CRYBG1: variants seen among roughly 807,000 people sequenced by gnomAD.
The protein encoded by CRYBG1 is crystallin beta-gamma domain containing 1, also known as beta/gamma crystallin domain-containing protein 1.
In CRYBG1, 139 loss-of-function variants were observed where a neutral mutation model predicts 189.2. That is an observed-to-expected ratio of 0.73 (90% confidence interval 0.64 to 0.85). The LOEUF (loss-of-function observed/expected upper bound fraction) is 0.85. Among genes scored for constraint, CRYBG1 ranks in the 40% least tolerant of loss-of-function variants. CRYBG1 has a pLI of 0.00. For missense variants in CRYBG1, 2,611 were observed against 2,675.8 expected, an observed-to-expected ratio of 0.98 and a Z score of 0.53; for synonymous variants, 1,023 against 1,017.1, an observed-to-expected ratio of 1.01 and a Z score of -0.11.
At position 106,571,958 on chromosome 6, in the gene CRYBG1, A is replaced by G; in HGVS notation, c.*3392A>G. ...AAATTTGGGCTCACAGGCACTCACC[A>G]AATAAGAACGTCAACAATCACTAAA... On this transcript the variant is annotated 3_prime_UTR_variant, in exon 22 of 22. Coordinates refer to ENST00000633556, the MANE Select transcript of CRYBG1 (RefSeq NM_001371242.2). 6.5e-7 allele frequency: 1 copy of G among 1,531,218 alleles called. No individual in the cohort carries two copies. 94.9% of individuals were successfully genotyped at this position (1,531,218 alleles called of 1,614,324 possible).
chr6:106,513,127 G>A, intron 3 of CRYBG1, 88 bp downstream of exon 3: 1 of 1,435,974 alleles, frequency 7.0e-7, no homozygotes, highest in Non-Finnish European at 9.3e-7. Flanking sequence ...CTGCATTGTG[G>A]AAGAAACGTC....
chr6:106,467,060 G>C, intron 2 of CRYBG1, among the ~76,000 whole-genome samples: 1 of 152,158 alleles, frequency 6.6e-6, no homozygotes, highest in Non-Finnish European at 1.5e-5. Context: ...GCTGTTGAGT[G>C]GGATGAAGTC....
At chr6:106,464,816 T>G (rs1261744064) in intron 2 of CRYBG1, among the ~76,000 whole-genome samples, 2 of 152,340 alleles carry the variant, frequency 1.3e-5, no homozygotes, top group African/African-American at 4.8e-5. Context: ...TTTAGAGAAT[T>G]AAGTGATATT....
intron 2 of CRYBG1, among the ~76,000 whole-genome samples, chr6:106,456,726 C>A (rs1038131402): frequency 6.6e-6 from 1 of 152,146 alleles, no homozygotes; most frequent in East Asian, 1.9e-4. Flanking sequence ...TCTCTTTATG[C>A]CTGTTCCACA....
At chr6:106,432,621 G>A (rs1300157938) in intron 1 of CRYBG1, among the ~76,000 whole-genome samples, 2 of 152,160 alleles carry the variant, frequency 1.3e-5, no homozygotes, top group Non-Finnish European at 2.9e-5. Context: ...AGTTATGCTG[G>A]TAAGTGTACC....
chr6:106,553,473 C>A lies in CRYBG1; in HGVS notation c.5491C>A (p.Pro1831Thr). The A allele has an allele frequency of 1.2e-6, 2 of 1,611,254 alleles. No individual in the cohort carries two copies. Among genetic ancestry groups the A allele is most frequent in the Non-Finnish European group, 8.5e-7 (1 of 1,177,618 alleles). Reference protein sequence around the residue: ...RRNQIHLFSEPQFQGHSQSFE... With the variant: ...RRNQIHLFSETQFQGHSQSFE... The stretch of plus-strand genomic sequence containing the variant: ...TTCAAAGATTCACTTGTTTTCAGAA[C>A]CACAGTTTCAAGGTCACAGTCAAAG... Residue 1831 changes from proline to threonine, a missense_variant, in exon 16 of 22, where the codon CCA becomes ACA. Transcript: ENST00000633556.
At chr6:106,384,768 C>G (rs1770351846) in intron 1 of CRYBG1, among the ~76,000 whole-genome samples, 1 of 151,926 alleles carries the variant, frequency 6.6e-6, no homozygotes, top group African/African-American at 2.4e-5. Flanking sequence ...TAAGGCCACC[C>G]TAATTTGTGA....
intron 1 of CRYBG1, among the ~76,000 whole-genome samples, chr6:106,403,653 C>T (rs1300254395): frequency 6.6e-6 from 1 of 152,150 alleles, no homozygotes; most frequent in Non-Finnish European, 1.5e-5. Flanking sequence ...TTTTTATGAA[C>T]AATGGGTAGC....
intron 18 of CRYBG1, 129 bp from the exon 19 acceptor site, chr6:106,560,674 A>AT (rs1301514133): frequency 3.5e-6 from 4 of 1,154,620 alleles, no homozygotes; most frequent in African/African-American, 1.6e-5. Flanking sequence ...AGAAAAGATC[A>AT]TTTTTCCCCC....
intron 1 of CRYBG1, among the ~76,000 whole-genome samples, chr6:106,397,915 T>A (rs1770644598): frequency 6.6e-6 from 1 of 152,152 alleles, no homozygotes; most frequent in African/African-American, 2.4e-5. Flanking sequence ...ACTATGGATA[T>A]TGACTATCTC....
At chr6:106,466,317 A>G (rs1301828223) in intron 2 of CRYBG1, among the ~76,000 whole-genome samples, 1 of 152,244 alleles carries the variant, frequency 6.6e-6, no homozygotes, top group Non-Finnish European at 1.5e-5. Context: ...TATATAAATA[A>G]GGAGAGGGAT....
At chr6:106,399,417 G>A (rs1770676857) in intron 1 of CRYBG1, among the ~76,000 whole-genome samples, 1 of 152,044 alleles carries the variant, frequency 6.6e-6, no homozygotes, top group African/African-American at 2.4e-5. Flanking sequence ...TGATGCCCTT[G>A]TTATATCCCA....
At chr6:106,361,721 T>C (rs935573178) in intron 1 of CRYBG1, among the ~76,000 whole-genome samples, 7 of 152,224 alleles carry the variant, frequency 4.6e-5, no homozygotes, top group Admixed American at 2.6e-4. Flanking sequence ...GGTTTTGAAG[T>C]GGTTTTATTC....
chr6:106,546,103 A>T (rs1676025), intron 13 of CRYBG1, among the ~76,000 whole-genome samples: 7 of 152,094 alleles, frequency 4.6e-5, no homozygotes, highest in African/African-American at 9.7e-5. Flanking sequence ...AGAGACGGCC[A>T]TGTCTGGGCT....
chr6:106,365,934 A>C (rs1771979321), intron 1 of CRYBG1, among the ~76,000 whole-genome samples: 1 of 152,128 alleles, frequency 6.6e-6, no homozygotes, highest in Admixed American at 6.6e-5. Context: ...CAAGTTTCAG[A>C]ACTATAGACA....
chr6:106,446,557 A>G (rs1254888391), intron 1 of CRYBG1, among the ~76,000 whole-genome samples: 2 of 151,848 alleles, frequency 1.3e-5, no homozygotes, highest in Admixed American at 6.6e-5. Context: ...TTGGATGTAC[A>G]TTACTATAAA....
intron 2 of CRYBG1, among the ~76,000 whole-genome samples, chr6:106,462,972 G>A (rs62420839): frequency 0.23 from 34,950 of 152,052 alleles, 4,112 homozygotes; most frequent in Middle Eastern, 0.39. Flanking sequence ...TGGGCAATAA[G>A]CAAGACCCTA....
chr6:106,446,859 G>A (rs1771673108), intron 1 of CRYBG1, among the ~76,000 whole-genome samples: 1 of 152,222 alleles, frequency 6.6e-6, no homozygotes, highest in Admixed American at 6.5e-5. Flanking sequence ...TTGGGAAAGG[G>A]AAAACAGTCT....
chr6:106,512,436 G>A lies in CRYBG1; in HGVS notation c.1319G>A (p.Ser440Asn). ...SPGADAELPE[S>N]AARDDAVFDD... ...GGCGCGGACGCCGAGCTCCCTGAGA[G>A]CGCTGCCAGGGACGACGCGGTGTTC... The change falls in exon 3 of 22, where the codon AGC (serine) becomes AAC (asparagine). Residue 440 changes from serine to asparagine, a missense_variant. This residue lies in a region of CRYBG1 where 985 missense variants were observed against 924.4 expected (regional missense o/e 1.07). Coordinates refer to ENST00000633556, the MANE Select transcript of CRYBG1 (RefSeq NM_001371242.2). 1.2e-6 allele frequency: 2 copies of A among 1,610,152 alleles called. No homozygotes were observed. The highest frequency in any genetic ancestry group is 1.7e-6 in the Non-Finnish European group (2 of 1,178,842).
Sources: gnomAD v4.1 joint callset for allele counts (sites outside exome capture counted in the v4.1 genomes callset) on GRCh38, gnomAD v4.1.1 for gene constraint, gnomAD v4.1.1 regional missense constraint, MANE v1.5 for transcripts, NCBI Gene and HGNC (gene_info 2026-07-23, HGNC 2026-07-21) for gene names.